The following LVRN variants were observed in gnomAD, a reference collection of about 807,000 sequenced individuals.
LVRN encodes aminopeptidase Q.
Under a neutral mutation model 111.4 loss-of-function variants are expected in LVRN, and 99 were observed. The observed-to-expected ratio is 0.89, with a 90% CI of 0.76 to 1.05. The LOEUF is 1.05. LVRN is among the 50% of genes least tolerant of loss of function. LVRN has a pLI of 0.00. For synonymous variants in LVRN, 488 were observed against 449.5 expected (o/e 1.09, Z -1.08); for missense variants, 1,414 against 1,206.8 (o/e 1.17, Z -2.54).
intron 1 of LVRN, among the ~76,000 whole-genome samples, chr5:115,971,804 T>C (rs1753333088): frequency 6.6e-6 from 1 of 152,082 alleles, no homozygotes; most frequent in African/African-American, 2.4e-5. Context: ...CCTTTGCATT[T>C]CCATATTAAT....
rs990776340 is a variant in LVRN, at chr5:116,008,084, G to A, written c.2093+2117G>A. On this transcript the variant is annotated intron_variant, in intron 13 of 19. Transcript: ENST00000357872. ...GGGCCGGGTGTGGTGGCTCATGCCT[G>A]TAATCCCAGCACTTTGGGAGGCCGA... Among the ~76,000 whole-genome samples the A allele has an allele frequency of 3.0e-4, 45 of 152,286 alleles. 1 individual carries two copies. The highest frequency in any genetic ancestry group is 1.1e-3 in the African/African-American group (45 of 41,544).
intron 1 of LVRN, among the ~76,000 whole-genome samples, chr5:115,973,100 T>C (rs1462460288): frequency 1.3e-5 from 2 of 152,146 alleles, no homozygotes; most frequent in African/African-American, 4.8e-5. Context: ...AGCTGATTTT[T>C]TGTATTTTTA....
At chr5:115,997,142 T>G (rs1748131153) in intron 6 of LVRN, among the ~76,000 whole-genome samples, 1 of 152,116 alleles carries the variant, frequency 6.6e-6, no homozygotes, top group Non-Finnish European at 1.5e-5. Context: ...TGAAAATTAA[T>G]TTAGTACTCA....
Position 116,002,818 on chromosome 5 carries a change from T to C in LVRN, c.1821-17T>C. The stretch of plus-strand genomic sequence containing the variant: ...ATGTGTGAAAAGTAACTAATTTTTT[T>C]ATTTTCTTCCAATAAGTGACACATG... On this transcript the variant is annotated splice_polypyrimidine_tract_variant and intron_variant, in intron 10 of 19. Coordinates refer to ENST00000357872, the MANE Select transcript of LVRN (RefSeq NM_173800.5). 3 of 1,564,546 alleles carry C rather than the reference T, an allele frequency of 1.9e-6. No homozygotes were observed. Among genetic ancestry groups the C allele is most frequent in the Non-Finnish European group, 2.6e-6 (3 of 1,141,580 alleles).
At chr5:115,985,299 G>A (rs1463935365) in intron 3 of LVRN, among the ~76,000 whole-genome samples, 1 of 152,142 alleles carries the variant, frequency 6.6e-6, no homozygotes, top group Non-Finnish European at 1.5e-5. Flanking sequence ...AATCTAGTTT[G>A]TTGGTTTGGA....
chr5:116,000,489 T>A lies in LVRN; in HGVS notation c.1572T>A (p.Ser524Arg). ...TCTTGAATGAGCATTTATTTGTCAG[T>A]GCACTCAAGGTGAGTTTGCAAAATA... The part of the protein sequence containing the change: ...SCFLNEHLFV[S>R]ALKSYLKTFS... The change falls in exon 8 of 20, where the codon AGT (serine) becomes AGA (arginine). Residue 524 changes from serine to arginine, a missense_variant. By Grantham distance (110) the Ser-to-Arg change is moderately radical (BLOSUM62 -1). Transcript: ENST00000357872. The A allele has an allele frequency of 6.2e-7, 1 of 1,614,172 alleles. No individual in the cohort carries two copies. The highest frequency in any genetic ancestry group is 8.5e-7 in the Non-Finnish European group (1 of 1,179,996).
chr5:116,023,882 T>C (rs1284015777), intron 19 of LVRN, among the ~76,000 whole-genome samples: 1 of 152,200 alleles, frequency 6.6e-6, no homozygotes, highest in Non-Finnish European at 1.5e-5. Flanking sequence ...AAATGTTAAC[T>C]GGAAACCATC....
chr5:115,979,721 T>C (rs1753522831), intron 1 of LVRN, among the ~76,000 whole-genome samples: 1 of 152,196 alleles, frequency 6.6e-6, no homozygotes, highest in South Asian at 2.1e-4. Flanking sequence ...AGTCCAGTAG[T>C]GTAACATCTG....
chr5:115,983,970 T>C (rs1172714687), intron 2 of LVRN, among the ~76,000 whole-genome samples: 1 of 152,170 alleles, frequency 6.6e-6, no homozygotes, highest in Non-Finnish European at 1.5e-5. Context: ...ACAATTGTCA[T>C]CTAAAGGCAG....
intron 2 of LVRN, among the ~76,000 whole-genome samples, chr5:115,984,125 G>A (rs1282239556): frequency 6.6e-6 from 1 of 152,144 alleles, no homozygotes; most frequent in Non-Finnish European, 1.5e-5. Context: ...ATTTGAGTTT[G>A]TGATTTCAGC....
intron 1 of LVRN, among the ~76,000 whole-genome samples, chr5:115,969,715 G>A (rs1426206455): frequency 6.7e-6 from 1 of 149,504 alleles, no homozygotes; most frequent in Non-Finnish European, 1.5e-5. Context: ...CAGAAGAATC[G>A]CTTGAACTCG....
intron 6 of LVRN, among the ~76,000 whole-genome samples, chr5:115,995,222 G>A (rs1748079914): frequency 6.6e-6 from 1 of 152,060 alleles, no homozygotes; most frequent in Admixed American, 6.5e-5. Context: ...TCGATGGTAG[G>A]TAGATGGTAC....
In LVRN at chr5:115,983,411, T is replaced by G. The variant is rs577955046; in HGVS notation, c.820T>G (p.Ser274Ala). 2 of 1,604,756 alleles carry G rather than the reference T, an allele frequency of 1.2e-6. No individual in the cohort carries two copies. Among genetic ancestry groups the G allele is most frequent in the Admixed American group, 3.5e-5 (2 of 57,654 alleles). ...MIHHPSYVALSNMPKLGQSEK... is the reference protein window; with the variant it reads ...MIHHPSYVALANMPKLGQSEK... ...TCATCATCCAAGTTATGTGGCCCTT[T>G]CCAACATGCCAAAGCTAGGTAAGTA... is the stretch of plus-strand genomic sequence containing the variant. Residue 274 changes from serine (S) to alanine (A), a missense_variant, in exon 2 of 20, where the codon TCC becomes GCC. Coordinates refer to ENST00000357872, the MANE Select transcript of LVRN (RefSeq NM_173800.5).
At position 116,010,861 on chromosome 5, in the gene LVRN, G is replaced by T; in HGVS notation, c.2214G>T (p.Glu738Asp). 1.9e-6 allele frequency: 3 copies of T among 1,609,318 alleles called. No individual in the cohort carries two copies. Among genetic ancestry groups the T allele is most frequent in the Non-Finnish European group, 2.5e-6 (3 of 1,177,682 alleles). ...TGGTAACCAGGGATCTTGTTTCTGA[G>T]GTGAACATCTATGATATATACTCAT... Reference protein sequence around the residue: ...VNLVTRDLVSEVNIYDIYSLL... With the variant: ...VNLVTRDLVSDVNIYDIYSLL... The change falls in exon 14 of 20, where the codon GAG (glutamate) becomes GAT (aspartate). Residue 738 changes from glutamate to aspartate, a missense_variant. Transcript: ENST00000357872.
intron 10 of LVRN, 91 bp downstream of exon 10, chr5:116,001,330 C>A: frequency 2.8e-6 from 4 of 1,418,316 alleles, no homozygotes; most frequent in Non-Finnish European, 2.0e-6. Context: ...AAGCGTTACC[C>A]CCGCTGGGCA....
At chr5:116,005,996 C>T (rs749640859) in intron 13 of LVRN, 29 bp downstream of exon 13, 5 of 1,527,040 alleles carry the variant, frequency 3.3e-6, no homozygotes, top group Non-Finnish European at 3.6e-6. Context: ...CTCATGGTTT[C>T]AGAATATACC....
At chr5:115,983,243 G>T (rs1230323618) in intron 1 of LVRN, 44 bp from the exon 2 acceptor site, 2 of 1,483,658 alleles carry the variant, frequency 1.3e-6, no homozygotes, top group Non-Finnish European at 8.9e-7. Context: ...ATTCCACTGG[G>T]TTGAAATAAA....
intron 17 of LVRN, 81 bp downstream of exon 17, chr5:116,015,500 G>A (rs138552275): frequency 1.2e-5 from 18 of 1,475,218 alleles, no homozygotes; most frequent in Middle Eastern, 1.9e-4. Flanking sequence ...ATGTGCTAAT[G>A]TAAGTATTAA....
rs745796513 is a variant in LVRN at position 116,026,760 on chromosome 5, T to A, written c.*642T>A. On this transcript the variant is annotated 3_prime_UTR_variant, in exon 20 of 20. Coordinates refer to ENST00000357872, the MANE Select transcript of LVRN (RefSeq NM_173800.5). Reference sequence around the variant, plus strand: ...ACGTGTTGCTGGTTACTAAACTTTATGGTGTCACAAAAAGACAAATGATTG... The same window carrying A: ...ACGTGTTGCTGGTTACTAAACTTTAAGGTGTCACAAAAAGACAAATGATTG... 2 of 152,886 alleles carry A rather than the reference T, an allele frequency of 1.3e-5. No homozygotes were observed. The highest frequency in any genetic ancestry group is 2.9e-5 in the Non-Finnish European group (2 of 68,628). 9.5% of individuals were successfully genotyped at this position (152,886 alleles called of 1,614,324 possible). A position where few individuals can be genotyped will look rare whatever the true frequency, so the allele number is the denominator to read the frequency against.
Sources: allele counts gnomAD v4.1 joint callset (sites outside exome capture counted in the v4.1 genomes callset), GRCh38; gene constraint gnomAD v4.1.1; transcripts MANE v1.5; gene names NCBI Gene and HGNC (gene_info 2026-07-23, HGNC 2026-07-21).